Variants in BTBD9 observed in about 807,000 individuals in gnomAD.
BTBD9 encodes BTB domain containing 9, also known as BTB/POZ domain-containing protein 9.
BTBD9 carries 49 observed loss-of-function variants against 64.3 expected under a neutral mutation model. That is an observed-to-expected ratio of 0.76 (90% CI 0.61 to 0.97). BTBD9 has a LOEUF of 0.97. Ranked by LOEUF, BTBD9 falls within the 50% of genes least tolerant of loss-of-function variation. The pLI, the probability that BTBD9 is intolerant of heterozygous loss-of-function variation, is 0.00. For missense variants in BTBD9, 598 were observed against 762.1 expected (o/e 0.78, Z 2.53); for synonymous variants, 260 against 274.7 (o/e 0.95, Z 0.53).
In BTBD9 at chr6:38,226,511, C is replaced by T. The variant is rs148316687; in HGVS notation, c.1562+29898G>A. Among the ~76,000 whole-genome samples, 85 of 152,348 alleles carry T rather than the reference C, an allele frequency of 5.6e-4. 1 individual carries two copies. The highest frequency in any genetic ancestry group is 1.1e-3 in the Admixed American group (17 of 15,296). ...AGAGGTTCACAGAGAATCTCTAGCT[C>T]TGTGACTGCAGATGAGACACAGGCT... On this transcript the variant is annotated intron_variant, in intron 9 of 10. Coordinates refer to ENST00000481247, the MANE Select transcript of BTBD9 (RefSeq NM_001099272.2).
chr6:38,599,686 A>G (rs574578896), intron 1 of BTBD9, among the ~76,000 whole-genome samples: 1 of 152,210 alleles, frequency 6.6e-6, no homozygotes, highest in African/African-American at 2.4e-5. Flanking sequence ...CTTAATCTTT[A>G]AACTCCCACA....
chr6:38,398,071 A>G (rs946273625), intron 6 of BTBD9, among the ~76,000 whole-genome samples: 4 of 152,200 alleles, frequency 2.6e-5, no homozygotes, highest in African/African-American at 9.6e-5. Flanking sequence ...TTTATGCCAT[A>G]GGTGAAGAGG....
intron 6 of BTBD9, among the ~76,000 whole-genome samples, chr6:38,392,074 A>G (rs548271560): frequency 6.6e-6 from 1 of 152,282 alleles, no homozygotes; most frequent in South Asian, 2.1e-4. Context: ...TTCTGGCAAG[A>G]CACCAAACAA....
rs964897064 is a variant in BTBD9 at position 38,175,166 on chromosome 6, T to C, written c.1658A>G (p.His553Arg). ...GCTCTGCTGCTCTGGACACTCAAAG[T>C]GGACACAGTGGAACACCTGGGAGAG... Reference protein sequence around the residue: ...NTANEVFHCVHFECPEQQSSQ... With the variant: ...NTANEVFHCVRFECPEQQSSQ... Residue 553 changes from histidine (H) to arginine (R), a missense_variant, in exon 11 of 11, where the codon CAC (histidine) becomes CGC (arginine). By Grantham distance (29) the His-to-Arg change is conservative (BLOSUM62 0). Coordinates refer to ENST00000481247, the MANE Select transcript of BTBD9 (RefSeq NM_001099272.2). 2 of 1,614,044 alleles carry C rather than the reference T, an allele frequency of 1.2e-6. No individual in the cohort carries two copies. Among genetic ancestry groups the C allele is most frequent in the Non-Finnish European group, 1.7e-6 (2 of 1,180,042 alleles).
intron 4 of BTBD9, chr6:38,587,935 A>G: frequency 1.4e-6 from 1 of 724,510 alleles, no homozygotes; most frequent in Admixed American, 1.8e-5. Flanking sequence ...CTCCTGCAGA[A>G]GACTGTTCAG....
intron 6 of BTBD9, among the ~76,000 whole-genome samples, chr6:38,387,763 A>C (rs901003764): frequency 6.6e-6 from 1 of 152,162 alleles, no homozygotes; most frequent in African/African-American, 2.4e-5. Context: ...AAATCTGCCA[A>C]TAGATAAATT....
At chr6:38,338,902 T>C (rs1411480229) in intron 7 of BTBD9, among the ~76,000 whole-genome samples, 2 of 152,196 alleles carry the variant, frequency 1.3e-5, no homozygotes, top group African/African-American at 4.8e-5. Flanking sequence ...GCAGTTAAAA[T>C]TGCACTGAGA....
intron 6 of BTBD9, among the ~76,000 whole-genome samples, chr6:38,403,590 A>G (rs1299792109): frequency 6.6e-6 from 1 of 152,200 alleles, no homozygotes; most frequent in African/African-American, 2.4e-5. Flanking sequence ...AGTGTTGATG[A>G]GAATGTTGAG....
intron 6 of BTBD9, among the ~76,000 whole-genome samples, chr6:38,471,815 T>C (rs1339960616): frequency 6.6e-6 from 1 of 152,210 alleles, no homozygotes; most frequent in Non-Finnish European, 1.5e-5. Flanking sequence ...TGGAATTATG[T>C]CTCTTCATTA....
chr6:38,357,513 C>T (rs1468662065), intron 6 of BTBD9, among the ~76,000 whole-genome samples: 1 of 152,172 alleles, frequency 6.6e-6, no homozygotes, highest in Non-Finnish European at 1.5e-5. Flanking sequence ...CCATCATAAC[C>T]TGAAACCTTA....
At chr6:38,490,065 C>T (rs796609092) in intron 6 of BTBD9, among the ~76,000 whole-genome samples, 8 of 152,190 alleles carry the variant, frequency 5.3e-5, no homozygotes, top group African/African-American at 1.9e-4. Context: ...CTATTAGTTT[C>T]TAAAAAGCAG....
At chr6:38,418,419 C>G (rs552113032) in intron 6 of BTBD9, among the ~76,000 whole-genome samples, 8 of 152,252 alleles carry the variant, frequency 5.3e-5, no homozygotes, top group East Asian at 1.9e-4. Flanking sequence ...GCTCCTCCCC[C>G]ACCAAAGAGA....
intron 9 of BTBD9, among the ~76,000 whole-genome samples, chr6:38,213,081 A>C (rs932269697): frequency 6.6e-5 from 10 of 152,194 alleles, no homozygotes; most frequent in Admixed American, 3.9e-4. Context: ...ATGCAAAACA[A>C]AGCCCAGCCC....
intron 6 of BTBD9, among the ~76,000 whole-genome samples, chr6:38,517,490 G>A (rs1026936512): frequency 6.6e-6 from 1 of 152,018 alleles, no homozygotes; most frequent in African/African-American, 2.4e-5. Context: ...CCCCATCCAA[G>A]TCACTTTTGG....
intron 6 of BTBD9, among the ~76,000 whole-genome samples, chr6:38,427,905 T>C (rs1205958242): frequency 2.0e-5 from 3 of 152,052 alleles, no homozygotes; most frequent in Non-Finnish European, 4.4e-5. Flanking sequence ...CCTGTATGCT[T>C]AACCTTCATA....
chr6:38,622,909 C>T (rs1242002653), intron 1 of BTBD9, among the ~76,000 whole-genome samples: 1 of 152,172 alleles, frequency 6.6e-6, no homozygotes, highest in Non-Finnish European at 1.5e-5. Context: ...GCAGCAGCAC[C>T]CCCACCACTA....
intron 6 of BTBD9, among the ~76,000 whole-genome samples, chr6:38,465,400 G>A (rs963170809): frequency 2.7e-5 from 4 of 148,100 alleles, no homozygotes; most frequent in Middle Eastern, 3.6e-3. Flanking sequence ...GGCAGATCAC[G>A]AGGTCAGGAA....
chr6:38,201,641 G>A (rs1056690754), intron 9 of BTBD9, among the ~76,000 whole-genome samples: 8 of 152,174 alleles, frequency 5.3e-5, no homozygotes, highest in East Asian at 1.9e-4. Context: ...TTGGAAAAGA[G>A]GATGTCAAAT....
rs1440582279 is a variant in BTBD9, at chr6:38,202,336, C to T, written c.1563-9739G>A. Among the ~76,000 whole-genome samples the T allele has an allele frequency of 5.9e-5, 9 of 151,868 alleles. No individual in the cohort carries two copies. The East Asian group carries it at 1.7e-3, about 29-fold the overall frequency. ...TCTTGACCTAATGAACCACCTCGGC[C>T]TCCCAAAGTGCTGGGATTACACACG... On this transcript the variant is annotated intron_variant, in intron 9 of 10. Transcript: ENST00000481247.
Sources: allele counts gnomAD v4.1 joint callset (sites outside exome capture counted in the v4.1 genomes callset), GRCh38; gene constraint gnomAD v4.1.1; transcripts MANE v1.5; gene names NCBI Gene and HGNC (gene_info 2026-07-23, HGNC 2026-07-21).